The following STK3 variants were observed in gnomAD, a reference collection of about 807,000 sequenced individuals.
STK3 encodes the protein serine/threonine kinase 3.
In STK3, 41 loss-of-function variants were observed where a neutral mutation model predicts 58.0. The observed-to-expected ratio is 0.71, with a 90% CI of 0.55 to 0.92. The LOEUF (loss-of-function observed/expected upper bound fraction) is 0.92. Among genes scored for constraint, STK3 ranks in the 40% least tolerant of loss-of-function variants. The pLI is 0.00. For missense variants in STK3, 479 were observed against 602.7 expected (o/e 0.79, Z 2.15); for synonymous variants, 170 against 191.0 (o/e 0.89, Z 0.91).
intron 6 of STK3, among the ~76,000 whole-genome samples, chr8:98,694,624 G>A (rs2130974028): frequency 6.6e-6 from 1 of 152,212 alleles, no homozygotes; most frequent in South Asian, 2.1e-4. Context: ...TCTTGCGATA[G>A]TTTACTGAGA....
rs533730667 is a variant in STK3 at position 98,688,618 on chromosome 8, A to C, written c.684+17849T>G. ...AAAAATAGAAACCAACACCAAGAGG[A>C]ACTCTCAAAACCACATAAATACATG... On this transcript the variant is annotated intron_variant, in intron 6 of 10. Coordinates refer to ENST00000419617, the MANE Select transcript of STK3 (RefSeq NM_006281.4). Among the ~76,000 whole-genome samples, 8 of 152,292 alleles carry C rather than the reference A, an allele frequency of 5.3e-5. No individual in the cohort carries two copies. In the South Asian group the frequency reaches 1.0e-3, roughly 20 times the overall value.
chr8:98,471,077 A>G (rs1673168144), intron 10 of STK3, among the ~76,000 whole-genome samples: 2 of 152,184 alleles, frequency 1.3e-5, no homozygotes, highest in African/African-American at 4.8e-5. Context: ...GAGAGTTTAT[A>G]GGTTTGTAGA....
chr8:98,346,219 A>T, the STK3 span, among the ~76,000 whole-genome samples: 1 of 151,132 alleles, frequency 6.6e-6, no homozygotes, highest in Non-Finnish European at 1.5e-5. Flanking sequence ...TGGGAGGCAG[A>T]TGTTGCACTG....
chr8:98,530,068 C>T (rs367559292), intron 9 of STK3, among the ~76,000 whole-genome samples: 1 of 152,128 alleles, frequency 6.6e-6, no homozygotes, highest in East Asian at 1.9e-4. Flanking sequence ...ATGAGAATAT[C>T]GCAATAATGT....
chr8:98,827,073 C>G (rs1159913921), upstream of STK3, among the ~76,000 whole-genome samples: 9 of 136,108 alleles, frequency 6.6e-5, no homozygotes, highest in African/African-American at 2.3e-4. Flanking sequence ...CGGTGGCTCA[C>G]GCCTGTAATC....
chr8:98,844,535 G>A (rs184024127), intron 3 of STK3, among the ~76,000 whole-genome samples: 148 of 152,150 alleles, frequency 9.7e-4, no homozygotes, highest in African/African-American at 3.3e-3. Flanking sequence ...GTGCAATCTC[G>A]GTTCACTGTA....
upstream of STK3, among the ~76,000 whole-genome samples, chr8:98,826,605 C>T (rs1835319420): frequency 6.6e-6 from 1 of 152,228 alleles, no homozygotes; most frequent in African/African-American, 2.4e-5. Context: ...CAGCAGCCCT[C>T]ATCCCATTGT....
intron 3 of STK3, among the ~76,000 whole-genome samples, chr8:98,844,247 C>T (rs543336966): frequency 6.6e-6 from 1 of 152,292 alleles, no homozygotes; most frequent in South Asian, 2.1e-4. Context: ...ATAAAACAGC[C>T]ATGGGCTTCA....
chr8:98,604,585 T>C (rs1176540194), intron 6 of STK3, among the ~76,000 whole-genome samples: 1 of 152,182 alleles, frequency 6.6e-6, no homozygotes, highest in Non-Finnish European at 1.5e-5. Context: ...GCTACAGCCC[T>C]ACAGCAGACT....
chr8:98,439,702 G>T (rs1198653476), intron 1 of STK3, among the ~76,000 whole-genome samples: 4 of 152,128 alleles, frequency 2.6e-5, no homozygotes, highest in African/African-American at 9.7e-5. Context: ...AGAGGGATAG[G>T]CTTAACATTA....
chr8:98,481,541 C>T (rs1228005234), intron 10 of STK3, among the ~76,000 whole-genome samples: 1 of 152,024 alleles, frequency 6.6e-6, no homozygotes, highest in Non-Finnish European at 1.5e-5. Context: ...AGCTAAGCTA[C>T]GGATATGCAA....
At chr8:98,906,794 A>G (rs551396724) in intron 1 of STK3, among the ~76,000 whole-genome samples, 1 of 150,994 alleles carries the variant, frequency 6.6e-6, no homozygotes, top group South Asian at 2.1e-4. Context: ...TTTCCTGACC[A>G]CCTCATCTTC....
chr8:98,409,614 G>A (rs559843169), intron 3 of STK3, among the ~76,000 whole-genome samples: 14 of 152,352 alleles, frequency 9.2e-5, no homozygotes, highest in Admixed American at 5.2e-4. Flanking sequence ...CCCAGCTACC[G>A]CACCTTGCAA....
chr8:98,872,833 G>A lies in STK3; in HGVS notation c.110+10814C>T, dbSNP rs574515630. ...TTTTTGAAGGGATTTTTATGTCTCTGTCTCCTTAGTTCTGCTCTGATCTTA... is the reference window on the plus strand; with the variant it reads ...TTTTTGAAGGGATTTTTATGTCTCTATCTCCTTAGTTCTGCTCTGATCTTA... On this transcript the variant is annotated intron_variant, in intron 3 of 12. Transcript: ENST00000523601. 5.9e-5 allele frequency among the ~76,000 whole-genome samples: 9 copies of A among 152,004 alleles called. No individual in the cohort carries two copies. In the East Asian group the frequency reaches 1.7e-3, roughly 29 times the overall value.
intron 4 of STK3, among the ~76,000 whole-genome samples, chr8:98,742,888 G>C (rs1829331338): frequency 6.6e-6 from 1 of 151,854 alleles, no homozygotes; most frequent in Admixed American, 6.6e-5. Flanking sequence ...AAAGTCTCAG[G>C]ATACAAAATC....
At chr8:98,520,430 T>C (rs1322124960) in intron 10 of STK3, among the ~76,000 whole-genome samples, 1 of 152,140 alleles carries the variant, frequency 6.6e-6, no homozygotes, top group African/African-American at 2.4e-5. Flanking sequence ...CATACAGGCT[T>C]TAAGACAAGG....
In STK3 at chr8:98,526,930, A is replaced by G; in HGVS notation, c.1142-13T>C. 1 of 1,522,260 alleles carries G rather than the reference A, an allele frequency of 6.6e-7. No individual in the cohort carries two copies. Among genetic ancestry groups the G allele is most frequent in the Non-Finnish European group, 8.9e-7 (1 of 1,129,012 alleles). The allele number at this position is 1,522,260 out of a possible 1,614,324, so 94.3% of individuals were successfully genotyped here. Reference sequence around the variant, plus strand: ...GAGGTTGCATTTCCTTAGGTAAACAAAGAACATAAGGAAGGTATAAGTTCT... The same window carrying G: ...GAGGTTGCATTTCCTTAGGTAAACAGAGAACATAAGGAAGGTATAAGTTCT... On this transcript the variant is annotated splice_polypyrimidine_tract_variant and intron_variant, in intron 9 of 10. Transcript: ENST00000419617.
Position 98,706,452 on chromosome 8 carries a change from C to G in STK3, c.684+15G>C. ...ATATAAGGCTAACATTTTCAGCAAA[C>G]CATAATTTTCTTACCCTCATTGGAT... is the stretch of plus-strand genomic sequence containing the variant. On this transcript the variant is annotated intron_variant, in intron 6 of 10. Transcript: ENST00000419617. 2.5e-6 allele frequency: 4 copies of G among 1,596,774 alleles called. No individual in the cohort carries two copies. The highest frequency in any genetic ancestry group is 3.4e-6 in the Non-Finnish European group (4 of 1,173,402).
At chr8:98,660,762 T>C (rs1392838079) in intron 6 of STK3, among the ~76,000 whole-genome samples, 1 of 152,100 alleles carries the variant, frequency 6.6e-6, no homozygotes, top group Non-Finnish European at 1.5e-5. Flanking sequence ...CATACAACTT[T>C]CCATCCAGTA....
Sources: allele counts gnomAD v4.1 joint callset (sites outside exome capture counted in the v4.1 genomes callset), GRCh38; gene constraint gnomAD v4.1.1; transcripts MANE v1.5; gene names NCBI Gene and HGNC (gene_info 2026-07-23, HGNC 2026-07-21).